The following BCL2L14 variants were observed in gnomAD, a reference collection of about 807,000 sequenced individuals.
BCL2L14 encodes the protein apoptosis facilitator Bcl-2-like protein 14.
BCL2L14 carries 27 observed loss-of-function variants against 35.3 expected under a neutral mutation model. The observed-to-expected ratio is 0.76, with a 90% CI of 0.56 to 1.05. BCL2L14 has a LOEUF of 1.05. Among genes scored for constraint, BCL2L14 ranks in the 50% least tolerant of loss-of-function variants. The pLI is 0.00. For synonymous variants in BCL2L14, 139 were observed against 145.9 expected, an observed-to-expected ratio of 0.95 and a Z score of 0.34; for missense variants, 377 against 382.6, an observed-to-expected ratio of 0.99 and a Z score of 0.12.
intron 1 of BCL2L14, among the ~76,000 whole-genome samples, chr12:12,077,052 G>A (rs1948795724): frequency 6.6e-6 from 1 of 152,130 alleles, no homozygotes; most frequent in Admixed American, 6.5e-5. Context: ...CTCAAACCCT[G>A]TCTGCAGTTA....
chr12:12,078,992 T>C lies in BCL2L14; in HGVS notation c.-7-307T>C, dbSNP rs376405253. 4.5e-4 allele frequency among the ~76,000 whole-genome samples: 69 copies of C among 152,284 alleles called. 1 individual carries two copies. The South Asian group carries it at 0.014, about 30-fold the overall frequency. ...TTGTATCTTTAGTAGAGACGGGCTT[T>C]CACTGTATAGGCCAGGCTGGTCTTG... On this transcript the variant is annotated intron_variant, in intron 1 of 5. Coordinates refer to ENST00000308721, the MANE Select transcript of BCL2L14 (RefSeq NM_138723.2).
chr12:12,091,846 C>G (rs1391070370), intron 4 of BCL2L14, among the ~76,000 whole-genome samples: 2 of 152,102 alleles, frequency 1.3e-5, no homozygotes, highest in African/African-American at 4.8e-5. Context: ...TAAGGGCACC[C>G]CTGCATTTCT....
In BCL2L14 at chr12:12,060,653, G is replaced by A. The variant is rs4763266; in HGVS notation, c.-272+8806G>A. On this transcript the variant is annotated intron_variant, in intron 2 of 3. Transcript: ENST00000461264. ...GGCGTTCCTCCAGAACCTCCTCCCC[G>A]AGGAGCTTGCTACAAGTGCCAGAAA... Among the ~76,000 whole-genome samples the A allele has an allele frequency of 1.6e-4, 6 of 37,636 alleles. 3 individuals are homozygous for A. Among genetic ancestry groups the A allele is most frequent in the Admixed American group, 1.2e-3 (4 of 3,368 alleles). 24.7% of individuals were successfully genotyped at this position (37,636 alleles called of 152,430 possible). A position where few individuals can be genotyped will look rare whatever the true frequency, so the allele number is the denominator to read the frequency against.
chr12:12,085,292 G>A (rs2136761253), intron 2 of BCL2L14, among the ~76,000 whole-genome samples: 1 of 152,234 alleles, frequency 6.6e-6, no homozygotes, highest in South Asian at 2.1e-4. Flanking sequence ...CCCTAGATGA[G>A]CTGCACAAGG....
At position 12,079,644 on chromosome 12, in the gene BCL2L14, T is replaced by C. The variant is rs1306323006; in HGVS notation, c.339T>C (p.Ser113=). ...CGCAGAGCACGCCTGCCAAGGTCTC[T>C]GCTCAGGGTCAAAGGACGTTGGAAT... ...EDSQSTPAKV[S]AQGQRTLEYQ... The change falls in exon 2 of 6, where the codon TCT becomes TCC. Residue 113 remains serine (S), a synonymous_variant. Transcript: ENST00000308721. The C allele has an allele frequency of 3.7e-6, 6 of 1,614,216 alleles. No individual in the cohort carries two copies. The highest frequency in any genetic ancestry group is 5.1e-6 in the Non-Finnish European group (6 of 1,180,050).
chr12:12,098,722 A>T (rs142246392), intron 5 of BCL2L14, among the ~76,000 whole-genome samples: 1 of 152,252 alleles, frequency 6.6e-6, no homozygotes, highest in East Asian at 1.9e-4. Context: ...CCCATCTTCA[A>T]GGAAAGATCC....
chr12:12,058,688 T>C (rs201443008), intron 2 of BCL2L14, among the ~76,000 whole-genome samples: 1 of 151,904 alleles, frequency 6.6e-6, no homozygotes, highest in Non-Finnish European at 1.5e-5. Context: ...ACTGACTCTC[T>C]TTTCGGACTC....
upstream of BCL2L14, among the ~76,000 whole-genome samples, chr12:12,069,359 G>A (rs529735143): frequency 4.1e-4 from 62 of 152,076 alleles, no homozygotes; most frequent in African/African-American, 1.4e-3. Flanking sequence ...GTTTATTCTT[G>A]AATTGTTTCC....
intron 2 of BCL2L14, among the ~76,000 whole-genome samples, chr12:12,065,877 T>G (rs1414835212): frequency 6.6e-6 from 1 of 151,834 alleles, no homozygotes; most frequent in African/African-American, 2.4e-5. Context: ...CTGCAACCTC[T>G]GCCACCCAGG....
chr12:12,050,793 TAAAAA>T (rs3052084), intron 1 of BCL2L14, among the ~76,000 whole-genome samples: 11 of 88,328 alleles, frequency 1.2e-4, no homozygotes, highest in Non-Finnish European at 1.9e-4. Flanking sequence ...GCTGATGAGC[TAAAAA>T]AAAAAAAAAA....
At chr12:12,076,829 CA>C (rs1948789810) in intron 1 of BCL2L14, among the ~76,000 whole-genome samples, 3 of 152,154 alleles carry the variant, frequency 2.0e-5, no homozygotes, top group Admixed American at 2.0e-4. Flanking sequence ...AGCAGGCCCT[CA>C]GGGGAGATAT....
upstream of BCL2L14, among the ~76,000 whole-genome samples, chr12:12,070,001 C>T (rs1948645618): frequency 6.6e-6 from 1 of 152,140 alleles, no homozygotes; most frequent in Non-Finnish European, 1.5e-5. Flanking sequence ...ACCAGCGGTC[C>T]AGGGTTTATG....
intron 4 of BCL2L14, among the ~76,000 whole-genome samples, chr12:12,093,547 C>A (rs1182500729): frequency 6.6e-6 from 1 of 152,106 alleles, no homozygotes; most frequent in South Asian, 2.1e-4. Flanking sequence ...AATCCCAGCA[C>A]TTTGGGAGGC....
chr12:12,052,878 A>C (rs1197287294), intron 2 of BCL2L14, among the ~76,000 whole-genome samples: 5 of 152,204 alleles, frequency 3.3e-5, no homozygotes, highest in Non-Finnish European at 5.9e-5. Flanking sequence ...GAGCATTCCA[A>C]CTTAGGCCAA....
chr12:12,089,398 A>G (rs960779621), intron 3 of BCL2L14, among the ~76,000 whole-genome samples: 28 of 147,480 alleles, frequency 1.9e-4, no homozygotes, highest in African/African-American at 6.8e-4. Flanking sequence ...TAGAAGAAGA[A>G]GGTTTATTTT....
intron 2 of BCL2L14, among the ~76,000 whole-genome samples, chr12:12,059,100 C>T (rs1948480605): frequency 6.6e-6 from 1 of 152,178 alleles, no homozygotes; most frequent in African/African-American, 2.4e-5. Context: ...AACTCCGGTG[C>T]CGGTCACGGA....
upstream of BCL2L14, chr12:12,068,117 A>T (rs1022070350): frequency 3.3e-5 from 13 of 397,798 alleles, no homozygotes; most frequent in Admixed American, 4.4e-4. Flanking sequence ...CTAACTTTTT[A>T]TTTTTTTGTA....
intron 2 of BCL2L14, among the ~76,000 whole-genome samples, chr12:12,084,925 T>C (rs931545346): frequency 2.6e-5 from 4 of 151,436 alleles, no homozygotes; most frequent in African/African-American, 9.7e-5. Context: ...TATACAAAAA[T>C]TAGCTGGACG....
At chr12:12,090,923 C>T (rs1252911536) in intron 4 of BCL2L14, 74 bp downstream of exon 4, 2 of 1,212,044 alleles carry the variant, frequency 1.7e-6, no homozygotes, top group Non-Finnish European at 2.3e-6. Context: ...AATTGTATTC[C>T]AGGTTGCAAC....
Sources: gnomAD v4.1 joint callset for allele counts (sites outside exome capture counted in the v4.1 genomes callset) on GRCh38, gnomAD v4.1.1 for gene constraint, MANE v1.5 for transcripts, NCBI Gene and HGNC (gene_info 2026-07-23, HGNC 2026-07-21) for gene names.